PTBP3: variants seen among roughly 807,000 people sequenced by gnomAD.
PTBP3 encodes polypyrimidine tract binding protein 3, also known as polypyrimidine tract-binding protein 3.
Under a neutral mutation model 58.7 loss-of-function variants are expected in PTBP3, and 20 were observed. That is an observed-to-expected ratio of 0.34 (90% CI 0.24 to 0.50). PTBP3 has a LOEUF of 0.50. Among genes scored for constraint, PTBP3 ranks in the 20% least tolerant of loss-of-function variants. The probability of loss-of-function intolerance (pLI) is 0.98; values close to 1 mark genes in which losing one functional copy is unlikely to be tolerated. For synonymous variants in PTBP3, 185 were observed against 219.8 expected, an observed-to-expected ratio of 0.84 and a Z score of 1.40; for missense variants, 509 against 637.2, an observed-to-expected ratio of 0.80 and a Z score of 2.17.
rs910420454 is a variant in PTBP3 at position 112,220,721 on chromosome 9, C to T, written c.*3130G>A. ...TGTATGTTACACAAAACACATTTTA[C>T]TGCTATGCAAATTATTCAAATCTCA... is the stretch of plus-strand genomic sequence containing the variant. On this transcript the variant is annotated 3_prime_UTR_variant, in exon 14 of 14. Coordinates refer to ENST00000374257, the MANE Select transcript of PTBP3 (RefSeq NM_001163788.4). 3.8e-5 allele frequency: 37 copies of T among 983,658 alleles called. No individual in the cohort carries two copies. The highest frequency in any genetic ancestry group is 7.0e-5 in the African/African-American group (4 of 57,162). 60.9% of individuals were successfully genotyped at this position (983,658 alleles called of 1,614,324 possible). A position where few individuals can be genotyped will look rare whatever the true frequency, so the allele number is the denominator to read the frequency against.
Position 112,232,538 on chromosome 9 carries a change from CCTCT to C in PTBP3, c.881-304_881-301del, listed in dbSNP as rs1835285998. ...GAGGGTCTATCAACTACAAACACTC[CCTCT>C]GTTTCTTACAATAGATATATCCTAA... On this transcript the variant is annotated intron_variant, in intron 8 of 13. Coordinates refer to ENST00000374257, the MANE Select transcript of PTBP3 (RefSeq NM_001163788.4). Among the ~76,000 whole-genome samples, 4 of 152,262 alleles carry C rather than the reference CCTCT, an allele frequency of 2.6e-5. No homozygotes were observed. The South Asian group carries it at 8.3e-4, about 32-fold the overall frequency.
chr9:112,358,727 C>T, the PTBP3 span, among the ~76,000 whole-genome samples: 558 of 152,244 alleles, frequency 3.7e-3, 4 homozygotes, highest in African/African-American at 0.013. Context: ...GAGTTCAAGT[C>T]CAGCCTGAAC....
At chr9:112,264,165 T>C (rs900437937) in intron 4 of PTBP3, among the ~76,000 whole-genome samples, 2 of 152,206 alleles carry the variant, frequency 1.3e-5, no homozygotes, top group East Asian at 1.9e-4. Flanking sequence ...GTATACTTCA[T>C]GTAAAATTTT....
At chr9:112,217,923 G>A (rs778980811), downstream of PTBP3, 10 of 152,168 alleles carry the variant, frequency 6.6e-5, no homozygotes, top group Non-Finnish European at 1.3e-4. Flanking sequence ...GTTTGTCTAA[G>A]GAAAAGGAAT....
At chr9:112,275,713 T>C (rs1271830457) in intron 3 of PTBP3, 131 bp downstream of exon 3, 3 of 816,692 alleles carry the variant, frequency 3.7e-6, no homozygotes, top group African/African-American at 3.5e-5. Flanking sequence ...CAAAAAAATC[T>C]ACTTTTAAAA....
chr9:112,234,411 G>C (rs1167695360), intron 8 of PTBP3, among the ~76,000 whole-genome samples: 4 of 152,208 alleles, frequency 2.6e-5, no homozygotes, highest in African/African-American at 9.6e-5. Context: ...CATATTATTT[G>C]TTGAGTACTG....
At chr9:112,304,793 G>A (rs1158657592) in intron 1 of PTBP3, among the ~76,000 whole-genome samples, 5 of 151,966 alleles carry the variant, frequency 3.3e-5, no homozygotes, top group Admixed American at 2.0e-4. Flanking sequence ...CTGATTGATC[G>A]CTTATTTTTT....
At chr9:112,370,787 G>A in the PTBP3 span, among the ~76,000 whole-genome samples, 2 of 152,042 alleles carry the variant, frequency 1.3e-5, no homozygotes, top group Non-Finnish European at 2.9e-5. Context: ...CATTTATTTA[G>A]GTCTTCTTCA....
chr9:112,327,907 TGA>T (rs1403190885), intron 1 of PTBP3, among the ~76,000 whole-genome samples: 4 of 152,064 alleles, frequency 2.6e-5, no homozygotes, highest in Admixed American at 2.6e-4. Flanking sequence ...CAAGTATTTC[TGA>T]GAGCTTATTA....
chr9:112,348,677 T>G, the PTBP3 span, among the ~76,000 whole-genome samples: 2 of 152,358 alleles, frequency 1.3e-5, no homozygotes, highest in Admixed American at 6.5e-5. Context: ...GTACCCGGCT[T>G]GGCCCTCTTC....
In PTBP3 at chr9:112,267,168, CTTTTTTTTT is replaced by C. The variant is rs59575179; in HGVS notation, c.351+872_351+880del. On this transcript the variant is annotated intron_variant, in intron 4 of 13. Coordinates refer to ENST00000374257, the MANE Select transcript of PTBP3 (RefSeq NM_001163788.4). ...TCATAATTTTAAAAAAACCCACTTT[CTTTTTTTTT>C]TTTTTTTTGAGACAGAGTCTCGCTC... Among the ~76,000 whole-genome samples, 3 of 137,608 alleles carry C rather than the reference CTTTTTTTTT, an allele frequency of 2.2e-5. No homozygotes were observed. In the East Asian group the frequency reaches 6.2e-4, roughly 28 times the overall value. The allele number at this position is 137,608 out of a possible 152,430, so 90.3% of individuals were successfully genotyped here.
intron 2 of PTBP3, 101 bp downstream of exon 2, chr9:112,297,731 A>C: frequency 1.1e-6 from 1 of 951,596 alleles, no homozygotes; most frequent in South Asian, 1.8e-5. Flanking sequence ...TTTTGTTATG[A>C]ACAGTGGCAC....
At chr9:112,312,870 CCT>C (rs1361538455) in intron 1 of PTBP3, among the ~76,000 whole-genome samples, 4 of 151,638 alleles carry the variant, frequency 2.6e-5, no homozygotes, top group African/African-American at 9.7e-5. Context: ...ATGGCGAAAC[CCT>C]GTTTCTACAA....
At chr9:112,368,027 C>T in the PTBP3 span, among the ~76,000 whole-genome samples, 1 of 152,094 alleles carries the variant, frequency 6.6e-6, no homozygotes, top group Non-Finnish European at 1.5e-5. Flanking sequence ...CGAAGTCTCA[C>T]TCTGTCACCC....
intron 2 of PTBP3, among the ~76,000 whole-genome samples, chr9:112,283,736 C>T (rs757925819): frequency 6.6e-6 from 1 of 152,236 alleles, no homozygotes; most frequent in Non-Finnish European, 1.5e-5. Flanking sequence ...GAGATCCTCA[C>T]AGCATCCCCT....
intron 1 of PTBP3, among the ~76,000 whole-genome samples, chr9:112,308,901 C>T (rs923183478): frequency 7.9e-5 from 12 of 152,154 alleles, no homozygotes; most frequent in African/African-American, 2.7e-4. Flanking sequence ...CTGAAGCTCT[C>T]GCCTGCTGAT....
the PTBP3 span, among the ~76,000 whole-genome samples, chr9:112,352,220 T>C: frequency 1.3e-5 from 2 of 152,208 alleles, no homozygotes; most frequent in African/African-American, 4.8e-5. Flanking sequence ...GTACCCTGCC[T>C]GGTTCCTTTT....
chr9:112,226,733 C>T (rs1042406672), intron 12 of PTBP3, among the ~76,000 whole-genome samples: 3 of 152,182 alleles, frequency 2.0e-5, no homozygotes, highest in African/African-American at 4.8e-5. Flanking sequence ...ATGGGTACAG[C>T]TATATTACAC....
At chr9:112,257,894 T>C (rs890665401) in intron 5 of PTBP3, among the ~76,000 whole-genome samples, 19 of 148,016 alleles carry the variant, frequency 1.3e-4, no homozygotes, top group Admixed American at 4.1e-4. Flanking sequence ...GAGCCATGAT[T>C]GCACCACCAC....
Sources: allele counts gnomAD v4.1 joint callset (sites outside exome capture counted in the v4.1 genomes callset), GRCh38; gene constraint gnomAD v4.1.1; transcripts MANE v1.5; gene names NCBI Gene and HGNC (gene_info 2026-07-23, HGNC 2026-07-21).